Variants in RASEF observed in about 807,000 individuals in gnomAD.
RASEF encodes the protein RAS and EF-hand domain containing.
Under a neutral mutation model 90.1 loss-of-function variants are expected in RASEF, and 68 were observed. The ratio of observed to expected loss-of-function variants is 0.75; its 90% CI spans 0.62 to 0.92. The LOEUF is 0.92. Ranked by LOEUF, RASEF falls within the 40% of genes least tolerant of loss-of-function variation. The pLI is 0.00. For synonymous variants in RASEF, 331 were observed against 345.2 expected (o/e 0.96, Z 0.46); for missense variants, 949 against 937.2 (o/e 1.01, Z -0.16).
the RASEF span, among the ~76,000 whole-genome samples, chr9:83,119,220 T>C: frequency 1.3e-5 from 2 of 150,584 alleles, no homozygotes; most frequent in South Asian, 4.2e-4. Flanking sequence ...GGTTTCAGCA[T>C]GTTGGCCAGG....
chr9:82,995,008 T>G (rs1282099344), intron 14 of RASEF, among the ~76,000 whole-genome samples: 1 of 152,212 alleles, frequency 6.6e-6, no homozygotes, highest in African/African-American at 2.4e-5. Flanking sequence ...GAAACTTCAC[T>G]GTGCTCATTC....
chr9:83,039,980 G>T (rs571982950), intron 1 of RASEF, among the ~76,000 whole-genome samples: 1 of 152,226 alleles, frequency 6.6e-6, no homozygotes, highest in East Asian at 1.9e-4. Context: ...GAAGGTAACT[G>T]AATCACGGGG....
chr9:83,090,849 T>G, the RASEF span, among the ~76,000 whole-genome samples: 1 of 152,082 alleles, frequency 6.6e-6, no homozygotes, highest in Non-Finnish European at 1.5e-5. Flanking sequence ...GTTCCTTATT[T>G]AGTAACTTCT....
At chr9:82,993,578 G>A (rs547442930) in intron 14 of RASEF, among the ~76,000 whole-genome samples, 4 of 152,214 alleles carry the variant, frequency 2.6e-5, no homozygotes, top group Non-Finnish European at 5.9e-5. Flanking sequence ...CAAAAAGGGA[G>A]TTTGGAAGTT....
chr9:83,183,780 C>T, the RASEF span, among the ~76,000 whole-genome samples: 4 of 152,302 alleles, frequency 2.6e-5, no homozygotes, highest in Admixed American at 1.3e-4. Flanking sequence ...CTGTTCGTCT[C>T]GTAAGAAATG....
the RASEF span, among the ~76,000 whole-genome samples, chr9:83,166,944 CTCTT>C: frequency 6.6e-6 from 1 of 152,148 alleles, no homozygotes; most frequent in South Asian, 2.1e-4. Context: ...AAGGGAATCT[CTCTT>C]TAAGGGTATG....
the RASEF span, among the ~76,000 whole-genome samples, chr9:83,213,399 GAA>G: frequency 1.7e-3 from 174 of 104,654 alleles, no homozygotes; most frequent in Middle Eastern, 0.012. Flanking sequence ...GACTTCATCT[GAA>G]AAAAAAAAAA....
the RASEF span, among the ~76,000 whole-genome samples, chr9:83,147,528 A>C: frequency 6.6e-6 from 1 of 152,164 alleles, no homozygotes; most frequent in African/African-American, 2.4e-5. Flanking sequence ...GAGGGGCAGC[A>C]TGCAGATGGG....
chr9:83,009,836 C>T (rs1223681300), intron 5 of RASEF, 80 bp from the exon 6 acceptor site: 12 of 767,426 alleles, frequency 1.6e-5, no homozygotes. Flanking sequence ...GTCCTGTCAC[C>T]CTCCCACACC....
intron 15 of RASEF, among the ~76,000 whole-genome samples, chr9:82,992,636 A>G (rs952335994): frequency 1.3e-5 from 2 of 152,192 alleles, no homozygotes; most frequent in African/African-American, 4.8e-5. Flanking sequence ...GAGGAGGAAG[A>G]TGATGGGATT....
At chr9:82,998,820 T>C (rs1357205262) in intron 12 of RASEF, among the ~76,000 whole-genome samples, 1 of 152,142 alleles carries the variant, frequency 6.6e-6, no homozygotes, top group African/African-American at 2.4e-5. Flanking sequence ...TGTGTGTATG[T>C]ATGTGTGTAG....
chr9:83,215,652 G>A, the RASEF span, among the ~76,000 whole-genome samples: 29,286 of 152,166 alleles, frequency 0.19, 3,140 homozygotes, highest in African/African-American at 0.29. Context: ...GTGTGAGAAC[G>A]GACTAATACA....
At chr9:83,122,518 C>T in the RASEF span, among the ~76,000 whole-genome samples, 2 of 152,154 alleles carry the variant, frequency 1.3e-5, no homozygotes, top group Non-Finnish European at 2.9e-5. Flanking sequence ...CACGCCTGTG[C>T]ACTGGCTCCC....
chr9:83,132,221 C>A, the RASEF span, among the ~76,000 whole-genome samples: 3 of 152,058 alleles, frequency 2.0e-5, no homozygotes, highest in Non-Finnish European at 4.4e-5. Context: ...GGTGAGTTGC[C>A]ATACTGGCAT....
the RASEF span, among the ~76,000 whole-genome samples, chr9:83,080,934 A>G: frequency 6.6e-6 from 1 of 152,202 alleles, no homozygotes; most frequent in Non-Finnish European, 1.5e-5. Context: ...TTAAGTTAGC[A>G]ATATGAGTTT....
chr9:83,110,742 C>T, the RASEF span, among the ~76,000 whole-genome samples: 3 of 152,286 alleles, frequency 2.0e-5, no homozygotes, highest in East Asian at 1.9e-4. Context: ...CAGTAGCTGG[C>T]TCTCATGCTG....
the RASEF span, chr9:83,202,088 T>G: frequency 0.055 from 8,433 of 153,490 alleles, 709 homozygotes; most frequent in East Asian, 0.42. Flanking sequence ...TGCTGCTCCC[T>G]CCTAATGCCC....
At chr9:83,199,272 A>G in the RASEF span, among the ~76,000 whole-genome samples, 9 of 151,574 alleles carry the variant, frequency 5.9e-5, no homozygotes, top group African/African-American at 2.2e-4. Context: ...ACCTTTGAAA[A>G]GCTCATAAGA....
the RASEF span, among the ~76,000 whole-genome samples, chr9:83,176,359 T>C: frequency 3.9e-5 from 6 of 152,308 alleles, no homozygotes; most frequent in South Asian, 1.2e-3. Flanking sequence ...TTCACCTTTT[T>C]ATTTCAATCT....
Sources: allele counts gnomAD v4.1 joint callset (sites outside exome capture counted in the v4.1 genomes callset), GRCh38; gene constraint gnomAD v4.1.1; transcripts MANE v1.5; gene names NCBI Gene and HGNC (gene_info 2026-07-23, HGNC 2026-07-21).